ZAP70: variants seen among roughly 807,000 people sequenced by gnomAD.
ZAP70 encodes the protein zeta chain of T cell receptor associated protein kinase 70, also known as tyrosine-protein kinase ZAP-70.
In ZAP70, 27 loss-of-function variants were observed where a neutral mutation model predicts 65.8. That is an observed-to-expected ratio of 0.41 (90% CI 0.30 to 0.57). ZAP70 has a LOEUF of 0.57. ZAP70 is among the 20% of genes least tolerant of loss of function. ZAP70 has a pLI of 0.28. For missense variants in ZAP70, 696 were observed against 870.5 expected (o/e 0.80, Z 2.52); for synonymous variants, 363 against 360.8 (o/e 1.01, Z -0.07).
downstream of ZAP70, among the ~76,000 whole-genome samples, chr2:97,741,482 T>C (rs1240761000): frequency 6.6e-6 from 1 of 151,102 alleles, no homozygotes; most frequent in Admixed American, 6.6e-5. Flanking sequence ...TCCCGGGTGA[T>C]GTCCGCTAGG....
chr2:97,734,288 C>CACGCCCCTT, intron 8 of ZAP70: 2 of 1,255,824 alleles, frequency 1.6e-6, no homozygotes, highest in Non-Finnish European at 2.1e-6. Context: ...TACCAATGCA[C>CACGCCCCTT]ACGCCCCTAG....
At chr2:97,751,460 T>A in the ZAP70 span, among the ~76,000 whole-genome samples, 1 of 152,250 alleles carries the variant, frequency 6.6e-6, no homozygotes, top group Admixed American at 6.5e-5. Context: ...CGTATAATGC[T>A]AATGGTAATT....
At chr2:97,753,783 G>T in the ZAP70 span, among the ~76,000 whole-genome samples, 1 of 151,972 alleles carries the variant, frequency 6.6e-6, no homozygotes. Flanking sequence ...ACCAGAGGGG[G>T]CAACGAAGCA....
chr2:97,713,922 C>T lies in ZAP70; in HGVS notation c.-94C>T, dbSNP rs200330853. 1.3e-5 allele frequency: 2 copies of T among 152,438 alleles called. No individual in the cohort carries two copies. The highest frequency in any genetic ancestry group is 2.4e-5 in the African/African-American group (1 of 41,464). 9.4% of individuals were successfully genotyped at this position (152,438 alleles called of 1,614,324 possible). ...GCCCCGATTCCTCACCCAGAACCGG[C>T]TCTCCATTGGCATTGGGACCAGAGA... On this transcript the variant is annotated 5_prime_UTR_variant, in exon 2 of 14. Transcript: ENST00000264972.
rs181097714 is a variant in ZAP70 at position 97,720,262 on chromosome 2, C to T, written c.-21-3754C>T. Among the ~76,000 whole-genome samples, 333 of 152,042 alleles carry T rather than the reference C, an allele frequency of 2.2e-3. 1 individual carries two copies. Among genetic ancestry groups the T allele is most frequent in the Non-Finnish European group, 3.5e-3 (236 of 67,986 alleles). Reference sequence around the variant, plus strand: ...TTTTGTTTTGAGATGGAGTTTTGCTCTGTTGCCCAGGCTGGAGTGAAGTGG... The same window carrying T: ...TTTTGTTTTGAGATGGAGTTTTGCTTTGTTGCCCAGGCTGGAGTGAAGTGG... On this transcript the variant is annotated intron_variant, in intron 2 of 13. Coordinates refer to ENST00000264972, the MANE Select transcript of ZAP70 (RefSeq NM_001079.4).
the ZAP70 span, among the ~76,000 whole-genome samples, chr2:97,754,626 CA>C: frequency 6.6e-6 from 1 of 152,162 alleles, no homozygotes; most frequent in African/African-American, 2.4e-5. Flanking sequence ...TAGTCTAGAA[CA>C]CCTGACCTCA....
chr2:97,735,274 G>T lies in ZAP70; in HGVS notation c.1107G>T (p.Lys369Asn). 6.2e-7 allele frequency: 1 copy of T among 1,614,042 alleles called. No homozygotes were observed. The highest frequency in any genetic ancestry group is 8.5e-7 in the Non-Finnish European group (1 of 1,179,962). The change falls in exon 10 of 14, where the codon AAG becomes AAT. Residue 369 changes from lysine to asparagine, a missense_variant. By Grantham distance (94) the Lys-to-Asn change is moderately conservative. Transcript: ENST00000264972. ...GGAAGCAGATCGACGTGGCCATCAAGGTGCTGAAGCAGGGCACGGAGAAGG... is the reference window on the plus strand; with the variant it reads ...GGAAGCAGATCGACGTGGCCATCAATGTGCTGAAGCAGGGCACGGAGAAGG... ...MRKKQIDVAIKVLKQGTEKAD... is the reference protein window; with the variant it reads ...MRKKQIDVAINVLKQGTEKAD...
At chr2:97,724,982 A>G (rs1381664728) in intron 3 of ZAP70, 110 bp from the exon 4 acceptor site, 1 of 1,557,534 alleles carries the variant, frequency 6.4e-7, no homozygotes, top group East Asian at 2.4e-5. Context: ...AACACGCGCT[A>G]GGGACGCCTG....
At chr2:97,722,910 G>T (rs1240501270) in intron 2 of ZAP70, among the ~76,000 whole-genome samples, 2 of 152,124 alleles carry the variant, frequency 1.3e-5, no homozygotes, top group African/African-American at 4.8e-5. Flanking sequence ...TCGTTACCTA[G>T]GGTTCAATAT....
At chr2:97,734,320 A>G in intron 8 of ZAP70, 200 bp from the exon 9 acceptor site, 2 of 1,407,366 alleles carry the variant, frequency 1.4e-6, no homozygotes, top group Non-Finnish European at 1.9e-6. Context: ...ATGTGGCTTC[A>G]TGGGGCACCC....
rs1469461362 is a variant in ZAP70 at position 97,731,318 on chromosome 2, G to A, written c.564-1565G>A. 6.6e-6 allele frequency among the ~76,000 whole-genome samples: 1 copy of A among 151,948 alleles called. No homozygotes were observed. Among genetic ancestry groups the A allele is most frequent in the Non-Finnish European group, 1.5e-5 (1 of 67,978 alleles). ...AAAGCTGCACTTAACAGGAGCTTGT[G>A]CCAGTGACTCAAAATAGAAATGTTT... On this transcript the variant is annotated intron_variant, in intron 4 of 13. Transcript: ENST00000264972. This position sits in a 1 kb window ranked among gnomAD's most constrained non-coding sequence, Gnocchi z 4.0.
chr2:97,754,732 A>C, the ZAP70 span, among the ~76,000 whole-genome samples: 4 of 152,136 alleles, frequency 2.6e-5, no homozygotes, highest in African/African-American at 9.7e-5. Context: ...GTGAGGGTTT[A>C]TATGAAGCTC....
chr2:97,734,900 T>TTG, intron 9 of ZAP70, 188 bp downstream of exon 9: 2 of 721,662 alleles, frequency 2.8e-6, no homozygotes, highest in Non-Finnish European at 4.5e-6. Flanking sequence ...GGGGGTGGGA[T>TTG]GGGGCCTGGG....
chr2:97,732,684 C>T, intron 4 of ZAP70, 199 bp from the exon 5 acceptor site: 1 of 716,220 alleles, frequency 1.4e-6, no homozygotes. Flanking sequence ...GCCATGGCCC[C>T]TCCACCGCCC....
rs564371289 is a variant in ZAP70 at position 97,731,381 on chromosome 2, C to T, written c.564-1502C>T. 2.6e-5 allele frequency among the ~76,000 whole-genome samples: 4 copies of T among 151,878 alleles called. No homozygotes were observed. The highest frequency in any genetic ancestry group is 2.1e-4 in the South Asian group (1 of 4,778). Reference sequence around the variant, plus strand: ...TGACTGGTGTCACTGCGGGGTTTCACGTGACGGCGCTGCATCTGCTGTCCC... The same window carrying T: ...TGACTGGTGTCACTGCGGGGTTTCATGTGACGGCGCTGCATCTGCTGTCCC... On this transcript the variant is annotated intron_variant, in intron 4 of 13. Coordinates refer to ENST00000264972, the MANE Select transcript of ZAP70 (RefSeq NM_001079.4). The surrounding 1 kb of genome is among the most constrained non-coding windows in gnomAD (Gnocchi z 4.0).
chr2:97,726,976 G>A (rs771467175), intron 4 of ZAP70, among the ~76,000 whole-genome samples: 5 of 152,254 alleles, frequency 3.3e-5, no homozygotes, highest in African/African-American at 4.8e-5. Flanking sequence ...GGCTGGGCCT[G>A]AATAGGCTGG....
chr2:97,752,316 CTTAA>C, the ZAP70 span, among the ~76,000 whole-genome samples: 3 of 152,180 alleles, frequency 2.0e-5, no homozygotes, highest in Non-Finnish European at 4.4e-5. Flanking sequence ...AATTACCTGG[CTTAA>C]TTAATATTGT....
chr2:97,718,338 C>T (rs185493887), intron 2 of ZAP70, among the ~76,000 whole-genome samples: 11 of 152,300 alleles, frequency 7.2e-5, no homozygotes, highest in South Asian at 2.1e-4. Context: ...CTAGCCGCTG[C>T]GTGGCAAATG....
At chr2:97,734,306 C>T in intron 8 of ZAP70, 3 of 1,369,626 alleles carry the variant, frequency 2.2e-6, no homozygotes, top group African/African-American at 2.9e-5. Flanking sequence ...TAGAGTCCAC[C>T]CTCATGTGGC....
Sources: allele counts gnomAD v4.1 joint callset (sites outside exome capture counted in the v4.1 genomes callset), GRCh38; gene constraint gnomAD v4.1.1; non-coding constraint Gnocchi (gnomAD v3.1); transcripts MANE v1.5; gene names NCBI Gene and HGNC (gene_info 2026-07-23, HGNC 2026-07-21).